The following INF2 variants were observed in gnomAD, a reference collection of about 807,000 sequenced individuals.
INF2 encodes inverted formin-2.
In INF2, 43 loss-of-function variants were observed where a neutral mutation model predicts 123.5. That is an observed-to-expected ratio of 0.35 (90% confidence interval 0.27 to 0.45). The LOEUF (loss-of-function observed/expected upper bound fraction) is 0.45, where lower values mean the gene tolerates loss of function less well. Ranked by LOEUF, INF2 falls within the 20% of genes least tolerant of loss-of-function variation. INF2 has a pLI of 1.00. For synonymous variants in INF2, 851 were observed against 745.0 expected, an observed-to-expected ratio of 1.14 and a Z score of -2.32; for missense variants, 1,453 against 1,682.7, an observed-to-expected ratio of 0.86 and a Z score of 2.39.
Position 104,706,047 on chromosome 14 carries a change from T to C in INF2, c.714T>C (p.Asp238=). 2 of 1,612,168 alleles carry C rather than the reference T, an allele frequency of 1.2e-6. No individual in the cohort carries two copies. The highest frequency in any genetic ancestry group is 1.7e-6 in the Non-Finnish European group (2 of 1,179,656). ...DVLARLRDLE[D]ADLLIQLEAF... The stretch of plus-strand genomic sequence containing the variant: ...CCCTCCTGCACAGAGACCTGGAGGA[T>C]GCCGACCTGCTGATCCAGCTGGAGG... The change falls in exon 6 of 23, where the codon GAT becomes GAC. Residue 238 remains aspartate, a synonymous_variant. Coordinates refer to ENST00000392634, the MANE Select transcript of INF2 (RefSeq NM_022489.4).
chr14:104,683,289 C>G (rs1888574964), intron 1 of INF2, among the ~76,000 whole-genome samples: 1 of 152,258 alleles, frequency 6.6e-6, no homozygotes, highest in Middle Eastern at 3.4e-3. Context: ...CAGAATAAAT[C>G]CCAAGCATGC....
intron 1 of INF2, among the ~76,000 whole-genome samples, chr14:104,694,434 G>A (rs1469026944): frequency 6.6e-6 from 1 of 152,256 alleles, no homozygotes; most frequent in Non-Finnish European, 1.5e-5. Flanking sequence ...CAGGGGCTGG[G>A]AAGATTCATG....
Position 104,713,352 on chromosome 14 carries a change from T to C in INF2, c.2878+43T>C, listed in dbSNP as rs1336567525. On this transcript the variant is annotated intron_variant, in intron 19 of 22. Coordinates refer to ENST00000392634, the MANE Select transcript of INF2 (RefSeq NM_022489.4). Reference sequence around the variant, plus strand: ...GGGCGGGGAGGGGGTGACTCTGGGATCCTTGTCTGTGCTCCAGCCTCCCCA... The same window carrying C: ...GGGCGGGGAGGGGGTGACTCTGGGACCCTTGTCTGTGCTCCAGCCTCCCCA... 4.5e-6 allele frequency: 7 copies of C among 1,555,076 alleles called. No individual in the cohort carries two copies. The Admixed American group carries it at 1.4e-4, about 30-fold the overall frequency.
At position 104,712,545 on chromosome 14, in the gene INF2, C is replaced by T. The variant is rs757230162; in HGVS notation, c.2602C>T (p.Arg868Cys). The T allele has an allele frequency of 1.6e-5, 25 of 1,612,522 alleles. No homozygotes were observed. Among genetic ancestry groups the T allele is most frequent in the East Asian group, 1.1e-4 (5 of 44,892 alleles). The part of the protein sequence containing the change: ...VAEVQEQYTE[R>C]LQASISAFRA... ...CGAGGTCCAGGAGCAGTACACCGAG[C>T]GCCTCCAGGCAAGTGGGCACCTGGG... The change falls in exon 17 of 23, where the codon CGC becomes TGC. Residue 868 changes from arginine (R) to cysteine (C), a missense_variant. Around this residue, in one of 8 missense-constraint regions of INF2, gnomAD observed 212 missense variants for 266.2 expected, o/e 0.80. Transcript: ENST00000392634.
chr14:104,713,086 G>A (rs538213610), intron 18 of INF2, 94 bp downstream of exon 18: 25 of 1,607,330 alleles, frequency 1.6e-5, no homozygotes, highest in African/African-American at 9.3e-5. Flanking sequence ...GGCACCTTTC[G>A]TCGGGCCGAC....
At chr14:104,711,526 G>A (rs1447588236) in intron 15 of INF2, 103 bp from the exon 16 acceptor site, 10 of 1,040,832 alleles carry the variant, frequency 9.6e-6, no homozygotes, top group Non-Finnish European at 1.5e-5. Flanking sequence ...GGGGTTTTCT[G>A]GACCTTAATT....
At chr14:104,692,941 T>A (rs2140603335) in intron 1 of INF2, among the ~76,000 whole-genome samples, 1 of 152,292 alleles carries the variant, frequency 6.6e-6, no homozygotes, top group East Asian at 1.9e-4. Context: ...GTGCCCTCAG[T>A]TCACTCCTGT....
chr14:104,718,833 G>A lies in INF2; in HGVS notation c.*40G>A. On this transcript the variant is annotated 3_prime_UTR_variant, in exon 23 of 23. Coordinates refer to ENST00000392634, the MANE Select transcript of INF2 (RefSeq NM_022489.4). ...GCCCAAGGCCAAGTGAGAGAGCCCA[G>A]GCCACAGGACATGCTGCCATTCTGC... 6.2e-7 allele frequency: 1 copy of A among 1,612,344 alleles called. No individual in the cohort carries two copies. The highest frequency in any genetic ancestry group is 8.5e-7 in the Non-Finnish European group (1 of 1,179,564).
intron 22 of INF2, chr14:104,715,757 G>A (rs1402770183): frequency 2.0e-6 from 1 of 496,634 alleles, no homozygotes; most frequent in East Asian, 5.8e-5. Context: ...TGGCTTTCCT[G>A]CTCTGTCTGT....
intron 1 of INF2, chr14:104,683,919 G>A (rs893527150): frequency 7.5e-6 from 3 of 398,898 alleles, no homozygotes; most frequent in Non-Finnish European, 1.5e-5. Context: ...CACGCAGGCA[G>A]ACTATGGGTT....
chr14:104,712,623 G>A (rs1890106548), intron 17 of INF2, 70 bp downstream of exon 17: 2 of 1,604,796 alleles, frequency 1.2e-6, no homozygotes. Flanking sequence ...GCGAGTGGCT[G>A]TGCTGTCTCC....
chr14:104,706,757 T>C (rs932644301), intron 6 of INF2, among the ~76,000 whole-genome samples, 153 bp from the exon 7 acceptor site: 1 of 152,086 alleles, frequency 6.6e-6, no homozygotes, highest in African/African-American at 2.4e-5. Flanking sequence ...GTCCCACATG[T>C]CACCAGTACC....
chr14:104,709,468 CAG>C, intron 11 of INF2, 85 bp downstream of exon 11: 1 of 1,311,450 alleles, frequency 7.6e-7, no homozygotes. Flanking sequence ...AGCAGGGAGA[CAG>C]AGAAGGGAGG....
At position 104,714,185 on chromosome 14, in the gene INF2, G is replaced by C. The variant is rs1352770048; in HGVS notation, c.3041-18G>C. The C allele has an allele frequency of 1.3e-6, 2 of 1,491,456 alleles. No individual in the cohort carries two copies. The highest frequency in any genetic ancestry group is 4.4e-5 in the Admixed American group (2 of 45,922). The allele number at this position is 1,491,456 out of a possible 1,614,324, so 92.4% of individuals were successfully genotyped here. A position where few individuals can be genotyped will look rare whatever the true frequency, so the allele number is the denominator to read the frequency against. On this transcript the variant is annotated intron_variant, in intron 20 of 22. Coordinates refer to ENST00000392634, the MANE Select transcript of INF2 (RefSeq NM_022489.4). Reference sequence around the variant, plus strand: ...GGGGCAGGGTGCCTGCCCTTCACTGGTGTGTCCCTCCATCCAGTGGCCACC... The same window carrying C: ...GGGGCAGGGTGCCTGCCCTTCACTGCTGTGTCCCTCCATCCAGTGGCCACC...
rs1308094816 is a variant in INF2, at chr14:104,711,692, G to A, written c.2482G>A (p.Ala828Thr). The A allele has an allele frequency of 1.2e-6, 2 of 1,612,224 alleles. No individual in the cohort carries two copies. Among genetic ancestry groups the A allele is most frequent in the Non-Finnish European group, 1.7e-6 (2 of 1,179,648 alleles). The change falls in exon 16 of 23, where the codon GCA becomes ACA. Residue 828 changes from alanine (A) to threonine (T), a missense_variant. Ala to Thr is a moderately conservative substitution (Grantham distance 58). Around this residue, in one of 8 missense-constraint regions of INF2, gnomAD observed 212 missense variants for 266.2 expected, o/e 0.80. Coordinates refer to ENST00000392634, the MANE Select transcript of INF2 (RefSeq NM_022489.4). ...CCGGGACCTGGAACAGCCCTCGCAA[G>A]CAGCAGGGTAGGTAGCTCCTGCCAG... ...LPRDLEQPSQ[A>T]AGINLEIIRS...
intron 22 of INF2, 111 bp downstream of exon 22, chr14:104,715,451 G>C: frequency 2.0e-6 from 2 of 1,021,624 alleles, no homozygotes; most frequent in Admixed American, 1.7e-5. Context: ...TCTCCAGCCC[G>C]CGTGGTGCGT....
chr14:104,711,180 G>A lies in INF2; in HGVS notation c.2412G>A (p.Val804=). 4 of 1,558,366 alleles carry A rather than the reference G, an allele frequency of 2.6e-6. No individual in the cohort carries two copies. The highest frequency in any genetic ancestry group is 3.5e-6 in the Non-Finnish European group (4 of 1,151,848). The change falls in exon 15 of 23, where the codon GTG becomes GTA. Residue 804 remains valine, a synonymous_variant. Coordinates refer to ENST00000392634, the MANE Select transcript of INF2 (RefSeq NM_022489.4). ...ACCGCGTGACGCTGCTGCACCACGT[G>A]CTGGAGGTGGGCCGTGGTGGCGGGG... The part of the protein sequence containing the change: ...QQNRVTLLHH[V]LEEAEKSHPD...
At chr14:104,716,653 G>A (rs1890312141) in intron 22 of INF2, among the ~76,000 whole-genome samples, 1 of 152,188 alleles carries the variant, frequency 6.6e-6, no homozygotes, top group Admixed American at 6.5e-5. Flanking sequence ...ACGTGGCTGA[G>A]GGCAAGAGGA....
chr14:104,707,775 C>CA lies in INF2; in HGVS notation c.1508_1509insA (p.Pro505ThrfsTer75). 7.3e-7 allele frequency: 1 copy of CA among 1,373,230 alleles called. No individual in the cohort carries two copies. Among genetic ancestry groups the CA allele is most frequent in the Non-Finnish European group, 1.0e-6 (1 of 994,858 alleles). The allele number at this position is 1,373,230 out of a possible 1,614,324, so 85.1% of individuals were successfully genotyped here. A position where few individuals can be genotyped will look rare whatever the true frequency, so the allele number is the denominator to read the frequency against. ...CCGGGCTTGGGATGCCCGCCCCCACCCCCACCCCTGCTGCCTGGTATGGGC... is the reference window on the plus strand; with the variant it reads ...CCGGGCTTGGGATGCCCGCCCCCACCACCCACCCCTGCTGCCTGGTATGGGC... On this transcript the variant is annotated frameshift_variant, in exon 8 of 23. Coordinates refer to ENST00000392634, the MANE Select transcript of INF2 (RefSeq NM_022489.4). LOFTEE classifies it high-confidence loss of function.
Sources: gnomAD v4.1 joint callset for allele counts (sites outside exome capture counted in the v4.1 genomes callset) on GRCh38, gnomAD v4.1.1 for gene constraint, gnomAD v4.1.1 regional missense constraint, MANE v1.5 for transcripts, NCBI Gene and HGNC (gene_info 2026-07-23, HGNC 2026-07-21) for gene names.